CHMP4C: variants seen among roughly 807,000 people sequenced by gnomAD.
CHMP4C encodes the protein SNF7 homolog associated with Alix 3.
A neutral mutation model predicts 29.0 loss-of-function variants in CHMP4C; 28 were observed. The observed-to-expected ratio is 0.97, with a 90% CI of 0.72 to 1.32. The LOEUF is 1.32. CHMP4C is among the 40% of genes most tolerant of loss of function. The probability of loss-of-function intolerance (pLI) is 0.00; values close to 1 mark genes in which losing one functional copy is unlikely to be tolerated. For missense variants in CHMP4C, 291 were observed against 281.0 expected (o/e 1.04, Z -0.25); for synonymous variants, 106 against 102.4 (o/e 1.04, Z -0.21).
intron 1 of CHMP4C, among the ~76,000 whole-genome samples, chr8:81,747,573 G>T (rs1315758278): frequency 6.6e-6 from 1 of 152,118 alleles, no homozygotes; most frequent in African/African-American, 2.4e-5. Flanking sequence ...GTAATATTAT[G>T]TTTCTGTTAT....
At chr8:81,750,119 A>G (rs1309273148) in intron 1 of CHMP4C, among the ~76,000 whole-genome samples, 1 of 152,194 alleles carries the variant, frequency 6.6e-6, no homozygotes, top group Non-Finnish European at 1.5e-5. Flanking sequence ...CAGGGAGATT[A>G]AAGAGGCTAT....
intron 1 of CHMP4C, among the ~76,000 whole-genome samples, chr8:81,736,528 C>T (rs980133638): frequency 3.3e-5 from 5 of 152,094 alleles, no homozygotes; most frequent in African/African-American, 1.2e-4. Flanking sequence ...ACCCTCCGCA[C>T]CCACCCCATG....
At chr8:81,735,303 G>T (rs553182397) in intron 1 of CHMP4C, among the ~76,000 whole-genome samples, 16 of 152,288 alleles carry the variant, frequency 1.1e-4, no homozygotes, top group African/African-American at 3.9e-4. Context: ...GAAGAGGCTG[G>T]TTAGCATGAG....
At chr8:81,750,709 T>C (rs1808890527) in intron 1 of CHMP4C, among the ~76,000 whole-genome samples, 1 of 152,030 alleles carries the variant, frequency 6.6e-6, no homozygotes, top group African/African-American at 2.4e-5. Flanking sequence ...GTGTGTGTAA[T>C]TGTATATATA....
intron 1 of CHMP4C, among the ~76,000 whole-genome samples, chr8:81,744,627 T>C (rs1808800856): frequency 6.6e-6 from 1 of 152,172 alleles, no homozygotes; most frequent in South Asian, 2.1e-4. Context: ...ACATATCTCT[T>C]CTTATTCTCC....
At chr8:81,741,757 T>G (rs1808764943) in intron 1 of CHMP4C, among the ~76,000 whole-genome samples, 2 of 152,192 alleles carry the variant, frequency 1.3e-5, no homozygotes, top group South Asian at 4.1e-4. Flanking sequence ...AATGCCACAG[T>G]CTCATCTGCT....
chr8:81,742,419 A>G (rs1338439497), intron 1 of CHMP4C, among the ~76,000 whole-genome samples: 2 of 152,236 alleles, frequency 1.3e-5, no homozygotes, highest in East Asian at 3.8e-4. Context: ...TTAAAATTCA[A>G]TGTCAGCTAT....
chr8:81,738,253 G>A (rs1808719095), intron 1 of CHMP4C, among the ~76,000 whole-genome samples: 1 of 152,200 alleles, frequency 6.6e-6, no homozygotes, highest in African/African-American at 2.4e-5. Flanking sequence ...ATTAAGGGTT[G>A]AGATGGAGAG....
At chr8:81,739,656 C>T (rs1276112482) in intron 1 of CHMP4C, among the ~76,000 whole-genome samples, 1 of 152,228 alleles carries the variant, frequency 6.6e-6, no homozygotes, top group East Asian at 1.9e-4. Flanking sequence ...ACCCTCTTCA[C>T]TTAAGTTGTT....
chr8:81,742,476 G>A (rs536450413), intron 1 of CHMP4C, among the ~76,000 whole-genome samples: 1 of 152,174 alleles, frequency 6.6e-6, no homozygotes, highest in Non-Finnish European at 1.5e-5. Flanking sequence ...TAACCTAGAT[G>A]GAAATTTAGA....
Position 81,732,679 on chromosome 8 carries a change from C to G in CHMP4C, c.53C>G (p.Ala18Gly). ...FKGGGSSKSR[A>G]APSPQEALVR... Reference sequence around the variant, plus strand: ...GGGGGCGGCTCTTCTAAGAGCCGAGCCGCTCCCAGTCCCCAGGAGGCCCTG... The same window carrying G: ...GGGGGCGGCTCTTCTAAGAGCCGAGGCGCTCCCAGTCCCCAGGAGGCCCTG... The change falls in exon 1 of 5, where the codon GCC becomes GGC. Residue 18 changes from alanine to glycine, a missense_variant. Ala to Gly is a moderately conservative substitution (Grantham distance 60). Transcript: ENST00000297265. 6.3e-7 allele frequency: 1 copy of G among 1,580,766 alleles called. No homozygotes were observed. The highest frequency in any genetic ancestry group is 8.6e-7 in the Non-Finnish European group (1 of 1,163,386).
chr8:81,742,236 G>T (rs949608690), intron 1 of CHMP4C, among the ~76,000 whole-genome samples: 1 of 152,066 alleles, frequency 6.6e-6, no homozygotes, highest in African/African-American at 2.4e-5. Context: ...CCCAATCTAA[G>T]AATCTAGTGA....
chr8:81,758,023 A>G (rs1461237300), intron 3 of CHMP4C, 119 bp from the exon 4 acceptor site: 6 of 872,304 alleles, frequency 6.9e-6, no homozygotes, highest in Non-Finnish European at 1.1e-5. Context: ...TAAAATAAAT[A>G]TTCCATTTCA....
chr8:81,732,929 C>A (rs1808637827), intron 1 of CHMP4C, 113 bp downstream of exon 1: 1 of 964,588 alleles, frequency 1.0e-6, no homozygotes, highest in Non-Finnish European at 1.5e-6. Flanking sequence ...CTCCTGCAGT[C>A]TTTTCTAGGA....
At chr8:81,735,509 TG>T (rs1411956129) in intron 1 of CHMP4C, among the ~76,000 whole-genome samples, 1 of 152,232 alleles carries the variant, frequency 6.6e-6, no homozygotes, top group African/African-American at 2.4e-5. Flanking sequence ...TACTACTAAA[TG>T]GCCCCTGTGT....
chr8:81,733,092 G>C (rs1808640661), intron 1 of CHMP4C, among the ~76,000 whole-genome samples: 1 of 152,084 alleles, frequency 6.6e-6, no homozygotes, highest in African/African-American at 2.4e-5. Context: ...TGCCAAAAAA[G>C]AAATGATGAA....
chr8:81,738,483 T>C (rs2130475218), intron 1 of CHMP4C, among the ~76,000 whole-genome samples: 2 of 152,310 alleles, frequency 1.3e-5, no homozygotes, highest in South Asian at 4.1e-4. Context: ...TTGATCTTCT[T>C]TGGAGAGAAG....
At chr8:81,732,852 C>G in intron 1 of CHMP4C, 36 bp downstream of exon 1, 1 of 1,582,016 alleles carries the variant, frequency 6.3e-7, no homozygotes, top group East Asian at 2.3e-5. Context: ...GGGAGCCCAT[C>G]TGCCTCTAGC....
chr8:81,758,631 C>A lies in CHMP4C; in HGVS notation c.*87C>A. On this transcript the variant is annotated 3_prime_UTR_variant, in exon 5 of 5. Transcript: ENST00000297265. ...TACCAAGTTCAGAAGTTAACAAAGA[C>A]TCTGCTTTATAATTATATTGAATGA... 1 of 874,192 alleles carries A rather than the reference C, an allele frequency of 1.1e-6. No individual in the cohort carries two copies. The highest frequency in any genetic ancestry group is 1.9e-6 in the Non-Finnish European group (1 of 536,978). The allele number at this position is 874,192 out of a possible 1,614,324, so 54.2% of individuals were successfully genotyped here.
Sources: allele counts gnomAD v4.1 joint callset (sites outside exome capture counted in the v4.1 genomes callset), GRCh38; gene constraint gnomAD v4.1.1; transcripts MANE v1.5; gene names NCBI Gene and HGNC (gene_info 2026-07-23, HGNC 2026-07-21).